The following DNAH14 variants were observed in gnomAD, a reference collection of about 807,000 sequenced individuals.
DNAH14 encodes dynein axonemal heavy chain 14.
DNAH14 carries 478 observed loss-of-function variants against 520.9 expected under a neutral mutation model. That is an observed-to-expected ratio of 0.92 (90% confidence interval 0.85 to 0.99). The LOEUF is 0.99. DNAH14 is among the 50% of genes least tolerant of loss of function. The probability of loss-of-function intolerance (pLI) is 0.00; values close to 1 mark genes in which losing one functional copy is unlikely to be tolerated. For synonymous variants in DNAH14, 1,581 were observed against 1,757.2 expected, an observed-to-expected ratio of 0.90 and a Z score of 2.51; for missense variants, 4,831 against 5,234.5, an observed-to-expected ratio of 0.92 and a Z score of 2.38.
At chr1:225,262,468 G>A (rs2092967463) in intron 46 of DNAH14, among the ~76,000 whole-genome samples, 1 of 151,804 alleles carries the variant, frequency 6.6e-6, no homozygotes, top group African/African-American at 2.4e-5. Flanking sequence ...GAATTCTTAT[G>A]GTTTCAGGTC....
chr1:225,095,287 G>A (rs1045277665), intron 21 of DNAH14, among the ~76,000 whole-genome samples: 1 of 145,180 alleles, frequency 6.9e-6, no homozygotes, highest in East Asian at 2.0e-4. Flanking sequence ...AGAAAATGTG[G>A]TACATATACC....
At chr1:225,045,753 A>C (rs1299557979) in intron 15 of DNAH14, among the ~76,000 whole-genome samples, 1 of 152,118 alleles carries the variant, frequency 6.6e-6, no homozygotes, top group Non-Finnish European at 1.5e-5. Context: ...GGTGCTGCTC[A>C]CCATGACCAC....
chr1:225,088,967 T>G (rs1021576619), intron 21 of DNAH14, among the ~76,000 whole-genome samples: 2 of 152,198 alleles, frequency 1.3e-5, no homozygotes, highest in Admixed American at 1.3e-4. Context: ...AAAACTTTCC[T>G]ACAAGGAATA....
chr1:225,079,156 C>A, intron 17 of DNAH14, 51 bp from the exon 18 acceptor site: 1 of 1,457,692 alleles, frequency 6.9e-7, no homozygotes, highest in Non-Finnish European at 9.2e-7. Flanking sequence ...AATTAGTCTT[C>A]CAAAATGATG....
Position 225,335,662 on chromosome 1 carries a change from CAT to C in DNAH14, c.10081-1601_10081-1600del, listed in dbSNP as rs1200713939. Among the ~76,000 whole-genome samples the C allele has an allele frequency of 5.5e-5, 6 of 109,502 alleles. 1 individual carries two copies. The highest frequency in any genetic ancestry group is 2.1e-4 in the African/African-American group (5 of 24,312). The allele number at this position is 109,502 out of a possible 152,430, so 71.8% of individuals were successfully genotyped here. Reference sequence around the variant, plus strand: ...GCATATATGTATATACGCATATATACATATGTGCATATATGTATATACGCATA... The same window carrying C: ...GCATATATGTATATACGCATATATACATGTGCATATATGTATATACGCATA... On this transcript the variant is annotated intron_variant, in intron 66 of 85. Transcript: ENST00000682510.
chr1:225,064,547 T>G (rs571060938), intron 17 of DNAH14, among the ~76,000 whole-genome samples: 45 of 150,014 alleles, frequency 3.0e-4, no homozygotes, highest in African/African-American at 1.0e-3. Flanking sequence ...ATAAGAAAAA[T>G]TTGATATATT....
rs1036228812 is a variant in DNAH14, at chr1:224,967,875, T to A, written c.651+292T>A. 2.3e-6 allele frequency: 3 copies of A among 1,286,716 alleles called. No homozygotes were observed. The African/African-American group carries it at 4.6e-5, about 20-fold the overall frequency. The allele number at this position is 1,286,716 out of a possible 1,614,324, so 79.7% of individuals were successfully genotyped here. On this transcript the variant is annotated intron_variant, in intron 6 of 85. Transcript: ENST00000682510. ...GAAGAACTACAAAACAAGCATTTGC[T>A]AGCTTAATGGGAACTATAATAATAA...
intron 75 of DNAH14, among the ~76,000 whole-genome samples, chr1:225,361,627 G>A (rs1039733862): frequency 2.0e-5 from 3 of 152,136 alleles, no homozygotes; most frequent in Non-Finnish European, 4.4e-5. Flanking sequence ...GCATGCACAA[G>A]GAAATTATAA....
At chr1:225,364,967 A>G in intron 76 of DNAH14, 73 bp downstream of exon 76, 2 of 1,089,508 alleles carry the variant, frequency 1.8e-6, no homozygotes, top group Non-Finnish European at 2.6e-6. Flanking sequence ...TTACATTCAA[A>G]ACTCTGAGTT....
intron 8 of DNAH14, among the ~76,000 whole-genome samples, chr1:224,994,608 T>C (rs946869341): frequency 1.3e-5 from 2 of 152,054 alleles, no homozygotes; most frequent in African/African-American, 4.8e-5. Context: ...TATAGTTCAG[T>C]CTTTGTTTTT....
intron 17 of DNAH14, among the ~76,000 whole-genome samples, chr1:225,052,811 G>C (rs2068673001): frequency 1.3e-5 from 2 of 152,168 alleles, no homozygotes; most frequent in Admixed American, 1.3e-4. Flanking sequence ...AAAGCAAAAG[G>C]TAACAGTGGC....
At chr1:225,343,813 C>T (rs1490810294) in intron 69 of DNAH14, among the ~76,000 whole-genome samples, 1 of 151,898 alleles carries the variant, frequency 6.6e-6, no homozygotes, top group African/African-American at 2.4e-5. Context: ...CTGGAGCCAT[C>T]TGCTGGTAAC....
intron 8 of DNAH14, among the ~76,000 whole-genome samples, chr1:224,990,892 A>G (rs1019532664): frequency 2.0e-5 from 3 of 152,044 alleles, no homozygotes; most frequent in Non-Finnish European, 4.4e-5. Flanking sequence ...ATATGGCTGT[A>G]CTAATTTATA....
At chr1:225,249,320 G>A (rs550636275) in intron 43 of DNAH14, among the ~76,000 whole-genome samples, 36 of 152,264 alleles carry the variant, frequency 2.4e-4, no homozygotes, top group South Asian at 8.3e-4. Context: ...CAGTCACTTT[G>A]GCTACTCTTT....
intron 41 of DNAH14, among the ~76,000 whole-genome samples, chr1:225,212,644 C>T (rs974386811): frequency 1.3e-5 from 2 of 152,186 alleles, no homozygotes; most frequent in African/African-American, 2.4e-5. Flanking sequence ...ATTTGCATTT[C>T]TCTGATGGCC....
intron 54 of DNAH14, among the ~76,000 whole-genome samples, chr1:225,283,557 G>A (rs1027009951): frequency 1.3e-5 from 2 of 151,968 alleles, no homozygotes; most frequent in Non-Finnish European, 2.9e-5. Flanking sequence ...AGAATTTAAG[G>A]GAGAAATAAT....
At chr1:224,998,551 G>A (rs1418981237) in intron 8 of DNAH14, among the ~76,000 whole-genome samples, 1 of 151,956 alleles carries the variant, frequency 6.6e-6, no homozygotes, top group East Asian at 1.9e-4. Flanking sequence ...AATTTCCAGT[G>A]TTTAGATATT....
At chr1:225,132,046 A>G (rs868762259) in intron 27 of DNAH14, among the ~76,000 whole-genome samples, 14 of 152,274 alleles carry the variant, frequency 9.2e-5, no homozygotes, top group Middle Eastern at 3.4e-3. Context: ...CTCCAGAAAA[A>G]CTGAGTAATC....
intron 5 of DNAH14, among the ~76,000 whole-genome samples, 154 bp downstream of exon 5, chr1:224,964,763 C>T (rs1185181082): frequency 6.6e-6 from 1 of 152,042 alleles, no homozygotes; most frequent in Non-Finnish European, 1.5e-5. Context: ...TATTTGACAT[C>T]ATTTCATTTT....
Sources: gnomAD v4.1 joint callset for allele counts (sites outside exome capture counted in the v4.1 genomes callset) on GRCh38, gnomAD v4.1.1 for gene constraint, MANE v1.5 for transcripts, NCBI Gene and HGNC (gene_info 2026-07-23, HGNC 2026-07-21) for gene names.